Variants in ANO5 observed in about 807,000 individuals in gnomAD.
The protein encoded by ANO5 is anoctamin-5.
A neutral mutation model predicts 121.0 loss-of-function variants in ANO5; 109 were observed. The ratio of observed to expected loss-of-function variants is 0.90; its 90% CI spans 0.77 to 1.06. The LOEUF (loss-of-function observed/expected upper bound fraction) is 1.06. ANO5 is among the 50% of genes least tolerant of loss of function. The probability of loss-of-function intolerance (pLI) is 0.00; values close to 1 mark genes in which losing one functional copy is unlikely to be tolerated. For missense variants in ANO5, 1,064 were observed against 1,078.5 expected, an observed-to-expected ratio of 0.99 and a Z score of 0.19; for synonymous variants, 406 against 359.9, an observed-to-expected ratio of 1.13 and a Z score of -1.45.
chr11:22,239,720 T>C (rs939121290), intron 9 of ANO5, 36 bp downstream of exon 9: 2 of 1,472,706 alleles, frequency 1.4e-6, no homozygotes. Flanking sequence ...CAATTAAAAC[T>C]TGATAATGTG....
Position 22,193,503 on chromosome 11 carries a change from C to A in ANO5, c.11C>A (p.Pro4Gln), listed in dbSNP as rs376116831. 6.2e-7 allele frequency: 1 copy of A among 1,613,010 alleles called. No homozygotes were observed. The highest frequency in any genetic ancestry group is 8.5e-7 in the Non-Finnish European group (1 of 1,179,730). Residue 4 changes from proline to glutamine, a missense_variant, in exon 1 of 22, where the codon CCG (proline) becomes CAG (glutamine). By Grantham distance (76) the Pro-to-Gln change is moderately conservative (BLOSUM62 -1). Coordinates refer to ENST00000324559, the MANE Select transcript of ANO5 (RefSeq NM_213599.3). MGD[P>Q]DLLEVLAEEG... ...AACGAGCTGGCGAAGATGGGCGACC[C>A]GGATCTCCTGGAAGTGTTGGCGGAG...
At chr11:22,204,823 C>G (rs960408562) in intron 2 of ANO5, among the ~76,000 whole-genome samples, 2 of 152,042 alleles carry the variant, frequency 1.3e-5, no homozygotes, top group Admixed American at 6.6e-5. Flanking sequence ...AAATACCATT[C>G]GACCCAGCAA....
In ANO5 at chr11:22,193,556, A is replaced by C. The variant is rs764274313; in HGVS notation, c.40+24A>C. 34 of 1,610,144 alleles carry C rather than the reference A, an allele frequency of 2.1e-5. No homozygotes were observed. The Admixed American group carries it at 5.5e-4, about 26-fold the overall frequency. ...AGGTAGGACCGCGCCAAGAGGCGTC[A>C]AGGGAGAGCCAGGCTGGCTGCCTGC... On this transcript the variant is annotated intron_variant, in intron 1 of 21. Transcript: ENST00000324559.
intron 5 of ANO5, among the ~76,000 whole-genome samples, chr11:22,224,435 A>G (rs1852759039): frequency 6.6e-6 from 1 of 152,122 alleles, no homozygotes; most frequent in African/African-American, 2.4e-5. Context: ...AATTTAAAAC[A>G]AGTTCATCTT....
At chr11:22,202,749 G>GT (rs1160108172) in intron 1 of ANO5, among the ~76,000 whole-genome samples, 1 of 152,068 alleles carries the variant, frequency 6.6e-6, no homozygotes, top group Non-Finnish European at 1.5e-5. Context: ...AATACTTAGT[G>GT]TTTTTTGGCT....
intron 9 of ANO5, among the ~76,000 whole-genome samples, chr11:22,241,947 C>A (rs1853446897): frequency 6.6e-6 from 1 of 152,004 alleles, no homozygotes; most frequent in Non-Finnish European, 1.5e-5. Flanking sequence ...GTGACTTAGC[C>A]AAAAATTATT....
chr11:22,224,258 T>C (rs1852752427), intron 5 of ANO5, among the ~76,000 whole-genome samples: 1 of 152,012 alleles, frequency 6.6e-6, no homozygotes, highest in South Asian at 2.1e-4. Context: ...TGATTTTATA[T>C]ACATTAATCA....
chr11:22,251,504 G>A (rs564152789), intron 12 of ANO5, among the ~76,000 whole-genome samples: 1 of 152,262 alleles, frequency 6.6e-6, no homozygotes, highest in South Asian at 2.1e-4. Flanking sequence ...CTTTGAAAAT[G>A]CCCTGCCCAG....
intron 1 of ANO5, among the ~76,000 whole-genome samples, chr11:22,203,571 A>G (rs1233341172): frequency 6.6e-6 from 1 of 152,116 alleles, no homozygotes; most frequent in Non-Finnish European, 1.5e-5. Flanking sequence ...TTGAGATTGT[A>G]TTTTACACAT....
chr11:22,262,049 A>G (rs1854203573), intron 15 of ANO5, 80 bp from the exon 16 acceptor site: 1 of 1,353,208 alleles, frequency 7.4e-7, no homozygotes, highest in Admixed American at 1.7e-5. Context: ...ATGTGACTAG[A>G]TGTTCACTTG....
At chr11:22,262,086 A>C in intron 15 of ANO5, 43 bp from the exon 16 acceptor site, 1 of 1,603,114 alleles carries the variant, frequency 6.2e-7, no homozygotes, top group Non-Finnish European at 8.5e-7. Context: ...GTTCAAGGAA[A>C]AAAATAAGAA....
intron 13 of ANO5, among the ~76,000 whole-genome samples, chr11:22,256,692 T>G (rs189363323): frequency 6.6e-6 from 1 of 152,194 alleles, no homozygotes; most frequent in East Asian, 1.9e-4. Context: ...TTGGCTTCAC[T>G]TAGCTTTCAT....
intron 2 of ANO5, among the ~76,000 whole-genome samples, chr11:22,205,813 G>A (rs1373342744): frequency 2.0e-5 from 3 of 151,986 alleles, no homozygotes; most frequent in African/African-American, 7.2e-5. Context: ...ATACCAAAAA[G>A]ATAATAAAGG....
At chr11:22,209,049 A>G (rs1349531555) in intron 2 of ANO5, among the ~76,000 whole-genome samples, 1 of 152,016 alleles carries the variant, frequency 6.6e-6, no homozygotes, top group African/African-American at 2.4e-5. Flanking sequence ...ACAAATTTAT[A>G]GATATGATGA....
At chr11:22,275,166 T>G (rs1174024459) in intron 20 of ANO5, among the ~76,000 whole-genome samples, 2 of 151,976 alleles carry the variant, frequency 1.3e-5, no homozygotes, top group East Asian at 3.9e-4. Flanking sequence ...AGTGAGACAG[T>G]GAAATATAAT....
chr11:22,227,840 A>G (rs1852898388), intron 7 of ANO5, among the ~76,000 whole-genome samples: 1 of 152,100 alleles, frequency 6.6e-6, no homozygotes, highest in Non-Finnish European at 1.5e-5. Flanking sequence ...GTTATACAAT[A>G]TTGGAAAAAG....
intron 17 of ANO5, among the ~76,000 whole-genome samples, chr11:22,268,655 G>A (rs191382165): frequency 1.0e-3 from 155 of 152,278 alleles, no homozygotes; most frequent in African/African-American, 3.4e-3. Flanking sequence ...AATCTTGAAT[G>A]TGATCATGCA....
At position 22,262,169 on chromosome 11, in the gene ANO5, C is replaced by T. The variant is rs1029543909; in HGVS notation, c.1671C>T (p.Thr557=). ...RTYQEYESSL[T]LKMFLFQFVN... The stretch of plus-strand genomic sequence containing the variant: ...ACCAGGAGTATGAGAGCAGTCTTAC[C>T]TTGAAAATGTTCCTGTTTCAGTTTG... Residue 557 remains threonine (T), a synonymous_variant, in exon 16 of 22, where the codon ACC becomes ACT. Coordinates refer to ENST00000324559, the MANE Select transcript of ANO5 (RefSeq NM_213599.3). 1.2e-6 allele frequency: 2 copies of T among 1,613,932 alleles called. No homozygotes were observed. The highest frequency in any genetic ancestry group is 1.7e-5 in the Admixed American group (1 of 60,012).
intron 7 of ANO5, among the ~76,000 whole-genome samples, chr11:22,229,435 A>T (rs1056739115): frequency 6.6e-6 from 1 of 152,088 alleles, no homozygotes; most frequent in Non-Finnish European, 1.5e-5. Flanking sequence ...AGGATTAAAC[A>T]ATAACAAAAC....
Sources: gnomAD v4.1 joint callset for allele counts (sites outside exome capture counted in the v4.1 genomes callset) on GRCh38, gnomAD v4.1.1 for gene constraint, MANE v1.5 for transcripts, NCBI Gene and HGNC (gene_info 2026-07-23, HGNC 2026-07-21) for gene names.